GREB1L: variants seen among roughly 807,000 people sequenced by gnomAD.
GREB1L encodes GREB1-like protein.
Under a neutral mutation model 200.8 loss-of-function variants are expected in GREB1L, and 17 were observed. That is an observed-to-expected ratio of 0.08 (90% CI 0.06 to 0.13). The LOEUF is 0.13. Ranked by LOEUF, GREB1L falls within the 10% of genes least tolerant of loss-of-function variation. The probability of loss-of-function intolerance (pLI) is 1.00; values close to 1 mark genes in which losing one functional copy is unlikely to be tolerated. For missense variants in GREB1L, 1,657 were observed against 2,367.7 expected (o/e 0.70, Z 6.23); for synonymous variants, 789 against 893.0 (o/e 0.88, Z 2.08).
chr18:21,521,295 C>T (rs950880784), intron 32 of GREB1L, among the ~76,000 whole-genome samples: 4 of 150,986 alleles, frequency 2.6e-5, no homozygotes. Context: ...CGCTTAAACC[C>T]GGAAGGCAGA....
intron 15 of GREB1L, among the ~76,000 whole-genome samples, chr18:21,458,414 T>G (rs2034878851): frequency 6.6e-6 from 1 of 152,122 alleles, no homozygotes. Context: ...GTGTCCAAGG[T>G]CTCTGTGTCC....
intron 1 of GREB1L, chr18:21,363,742 A>C (rs2039616303): frequency 6.6e-6 from 1 of 152,316 alleles, no homozygotes; most frequent in East Asian, 1.9e-4. Flanking sequence ...TTAGAAATCA[A>C]GAGTAAGCTG....
At chr18:21,440,422 G>A (rs773761345) in intron 9 of GREB1L, 34 bp downstream of exon 9, 78 of 1,538,032 alleles carry the variant, frequency 5.1e-5, no homozygotes, top group Non-Finnish European at 6.8e-5. Context: ...TTGTAAGTGT[G>A]TTTTTAATTA....
chr18:21,437,640 G>C (rs542681169), intron 7 of GREB1L, among the ~76,000 whole-genome samples: 9 of 152,014 alleles, frequency 5.9e-5, no homozygotes, highest in Non-Finnish European at 2.9e-5. Flanking sequence ...CAGGGGACAA[G>C]AGAATAAGTG....
At chr18:21,276,900 T>TCTCC (rs2038174715) in intron 1 of GREB1L, among the ~76,000 whole-genome samples, 1 of 148,354 alleles carries the variant, frequency 6.7e-6, no homozygotes, top group Non-Finnish European at 1.5e-5. Context: ...CCTACACAGC[T>TCTCC]CTCCTTCCCT....
At chr18:21,331,939 ACT>A (rs2039112070) in intron 1 of GREB1L, among the ~76,000 whole-genome samples, 1 of 152,170 alleles carries the variant, frequency 6.6e-6, no homozygotes, top group Admixed American at 6.5e-5. Context: ...CTTCACAGTC[ACT>A]CTGAACAAAA....
chr18:21,424,749 G>A (rs369651300), intron 7 of GREB1L, among the ~76,000 whole-genome samples: 106 of 152,178 alleles, frequency 7.0e-4, no homozygotes, highest in African/African-American at 2.3e-3. Flanking sequence ...AATCGTCACC[G>A]CAGTAAATTT....
chr18:21,424,051 T>C (rs2032373447), intron 7 of GREB1L, among the ~76,000 whole-genome samples: 1 of 152,132 alleles, frequency 6.6e-6, no homozygotes, highest in Non-Finnish European at 1.5e-5. Context: ...TGAGGTAGGA[T>C]GCTATCCCCA....
chr18:21,476,828 C>T (rs2035721544), intron 16 of GREB1L, among the ~76,000 whole-genome samples: 1 of 151,962 alleles, frequency 6.6e-6, no homozygotes, highest in Non-Finnish European at 1.5e-5. Context: ...GTCCATCTGC[C>T]TTGGCCTCCC....
chr18:21,326,234 TACAC>T (rs978405226), intron 1 of GREB1L, among the ~76,000 whole-genome samples: 19 of 151,888 alleles, frequency 1.3e-4, no homozygotes, highest in African/African-American at 2.4e-4. Flanking sequence ...TGCGAGAAAT[TACAC>T]ACACACATGC....
intron 11 of GREB1L, among the ~76,000 whole-genome samples, chr18:21,446,468 A>T (rs530126310): frequency 1.3e-5 from 2 of 152,222 alleles, no homozygotes; most frequent in Non-Finnish European, 2.9e-5. Flanking sequence ...AAAAAGAAAC[A>T]ATTTCAATTT....
At chr18:21,350,399 G>A (rs569440773) in intron 1 of GREB1L, among the ~76,000 whole-genome samples, 26 of 151,446 alleles carry the variant, frequency 1.7e-4, no homozygotes, top group South Asian at 4.2e-4. Context: ...CAACACACCC[G>A]GCTAATTTTT....
intron 1 of GREB1L, among the ~76,000 whole-genome samples, chr18:21,315,135 G>T (rs1160726265): frequency 6.6e-6 from 1 of 151,906 alleles, no homozygotes; most frequent in African/African-American, 2.4e-5. Flanking sequence ...TGTCACCCAG[G>T]CTGGAGTGTA....
At chr18:21,319,494 ATG>A (rs530901477) in intron 1 of GREB1L, among the ~76,000 whole-genome samples, 180 of 152,364 alleles carry the variant, frequency 1.2e-3, no homozygotes, top group African/African-American at 4.3e-3. Context: ...AAAAGTTAGA[ATG>A]TTTTAGTTTT....
intron 1 of GREB1L, among the ~76,000 whole-genome samples, chr18:21,331,760 G>C (rs1238912158): frequency 1.3e-5 from 2 of 152,288 alleles, no homozygotes; most frequent in East Asian, 1.9e-4. Flanking sequence ...GTAGTGATAT[G>C]GCAGAGGAGA....
At chr18:21,436,166 T>C (rs1222289213) in intron 7 of GREB1L, among the ~76,000 whole-genome samples, 2 of 152,102 alleles carry the variant, frequency 1.3e-5, no homozygotes, top group Non-Finnish European at 2.9e-5. Context: ...ATTTTAGAAA[T>C]GCTGAGTTTG....
intron 21 of GREB1L, among the ~76,000 whole-genome samples, 192 bp downstream of exon 21, chr18:21,496,890 C>CT (rs766783096): frequency 2.6e-5 from 4 of 152,194 alleles, no homozygotes; most frequent in Non-Finnish European, 5.9e-5. Context: ...CCACAAAATA[C>CT]TTTCCTGGGT....
At chr18:21,410,295 C>G (rs1174607986) in intron 7 of GREB1L, among the ~76,000 whole-genome samples, 2 of 152,036 alleles carry the variant, frequency 1.3e-5, no homozygotes, top group Admixed American at 6.6e-5. Context: ...TAGGCTCTTC[C>G]TCTGTAGAAA....
chr18:21,392,029 C>T (rs1242985036), intron 4 of GREB1L, among the ~76,000 whole-genome samples: 2 of 152,140 alleles, frequency 1.3e-5, no homozygotes, highest in African/African-American at 4.8e-5. Flanking sequence ...AGGCTGGACT[C>T]GAACTCCTGA....
Sources: allele counts gnomAD v4.1 joint callset (sites outside exome capture counted in the v4.1 genomes callset), GRCh38; gene constraint gnomAD v4.1.1; transcripts MANE v1.5; gene names NCBI Gene and HGNC (gene_info 2026-07-23, HGNC 2026-07-21).